MYOF: variants seen among roughly 807,000 people sequenced by gnomAD.
MYOF encodes fer-1-like 3, myoferlin.
In MYOF, 244 loss-of-function variants were observed where a neutral mutation model predicts 284.2. The observed-to-expected ratio is 0.86, with a 90% confidence interval of 0.77 to 0.95. MYOF has a LOEUF of 0.95. Ranked by LOEUF, MYOF falls within the 40% of genes least tolerant of loss-of-function variation. The pLI is 0.00. For missense variants in MYOF, 2,496 were observed against 2,560.6 expected (o/e 0.97, Z 0.54); for synonymous variants, 904 against 919.7 (o/e 0.98, Z 0.31).
At chr10:93,344,225 A>G (rs937259895) in intron 37 of MYOF, among the ~76,000 whole-genome samples, 1 of 152,242 alleles carries the variant, frequency 6.6e-6, no homozygotes, top group African/African-American at 2.4e-5. Context: ...AATTGTGTCA[A>G]TACATGTCTT....
intron 1 of MYOF, among the ~76,000 whole-genome samples, chr10:93,465,542 T>TC (rs1554872990): frequency 7.4e-6 from 1 of 135,380 alleles, no homozygotes. Flanking sequence ...TCTTTTCTTT[T>TC]TTTTTTTTTT....
In MYOF at chr10:93,351,881, G is replaced by T. The variant is rs767557021; in HGVS notation, c.3482-35C>A. On this transcript the variant is annotated intron_variant, in intron 32 of 53. Coordinates refer to ENST00000359263, the MANE Select transcript of MYOF (RefSeq NM_013451.4). The stretch of plus-strand genomic sequence containing the variant: ...AAAAAGAGAATAACAACGGGGCCAC[G>T]GCTAAAATCTAACTCCCCAGAACCA... The T allele has an allele frequency of 4.6e-5, 72 of 1,549,176 alleles. 2 individuals carry two copies. In the South Asian group the frequency reaches 8.6e-4, roughly 19 times the overall value.
At chr10:93,378,995 C>T (rs375166301) in intron 21 of MYOF, among the ~76,000 whole-genome samples, 27 of 152,052 alleles carry the variant, frequency 1.8e-4, no homozygotes, top group African/African-American at 6.5e-4. Flanking sequence ...GGATTACTGG[C>T]GTGAGCCACT....
chr10:93,349,302 A>G (rs1394154666), intron 36 of MYOF, among the ~76,000 whole-genome samples: 1 of 152,206 alleles, frequency 6.6e-6, no homozygotes, highest in Non-Finnish European at 1.5e-5. Flanking sequence ...GGTAGCCTCA[A>G]TGGACCAAAG....
chr10:93,399,045 T>C (rs919274901), intron 13 of MYOF, among the ~76,000 whole-genome samples: 1 of 148,132 alleles, frequency 6.8e-6, no homozygotes, highest in African/African-American at 2.4e-5. Flanking sequence ...GGGGTCTCTG[T>C]CCTACAACAT....
chr10:93,356,897 T>G, intron 29 of MYOF, 49 bp from the exon 30 acceptor site: 23 of 1,532,306 alleles, frequency 1.5e-5, no homozygotes, highest in Non-Finnish European at 2.0e-5. Context: ...ATGATGATAT[T>G]CCTTATTTTG....
At chr10:93,423,732 C>T (rs1848455801) in intron 5 of MYOF, among the ~76,000 whole-genome samples, 1 of 151,182 alleles carries the variant, frequency 6.6e-6, no homozygotes, top group Admixed American at 6.6e-5. Flanking sequence ...ACTCGGGAGG[C>T]TGAGGCAGAA....
intron 49 of MYOF, among the ~76,000 whole-genome samples, chr10:93,318,826 T>A (rs1842732210): frequency 6.6e-6 from 1 of 152,136 alleles, no homozygotes; most frequent in Non-Finnish European, 1.5e-5. Context: ...GTAGGCCTAA[T>A]GCGACACAGG....
intron 13 of MYOF, among the ~76,000 whole-genome samples, chr10:93,397,802 A>ACCCTGCCCGCCAGCCT (rs1043184819): frequency 1.3e-5 from 2 of 151,848 alleles, no homozygotes; most frequent in African/African-American, 4.8e-5. Context: ...AGATCTTTTG[A>ACCCTGCCCGCCAGCCT]CCCTGCCCGC....
intron 27 of MYOF, among the ~76,000 whole-genome samples, chr10:93,362,017 C>T (rs369666040): frequency 5.9e-5 from 9 of 152,148 alleles, no homozygotes; most frequent in East Asian, 5.8e-4. Flanking sequence ...GGCGTAATCT[C>T]GGCTCACTGC....
At chr10:93,449,742 C>G (rs1184754234) in intron 3 of MYOF, among the ~76,000 whole-genome samples, 1 of 152,116 alleles carries the variant, frequency 6.6e-6, no homozygotes. Context: ...CCTTCCACCT[C>G]AGCCTCCCAA....
intron 3 of MYOF, among the ~76,000 whole-genome samples, chr10:93,448,175 A>G (rs2056488338): frequency 6.6e-6 from 1 of 152,058 alleles, no homozygotes; most frequent in African/African-American, 2.4e-5. Flanking sequence ...TGCACTTGCT[A>G]TTCTCTGCCC....
At position 93,402,956 on chromosome 10, in the gene MYOF, G is replaced by A. The variant is rs1315027697; in HGVS notation, c.844-66C>T. On this transcript the variant is annotated intron_variant, in intron 9 of 53. Coordinates refer to ENST00000359263, the MANE Select transcript of MYOF (RefSeq NM_013451.4). ...AAATCAGTCTAGTCACTTTAAAGAA[G>A]CCATCATTATATTTAAATATCATGT... is the stretch of plus-strand genomic sequence containing the variant. The A allele has an allele frequency of 3.7e-6, 5 of 1,345,546 alleles. No individual in the cohort carries two copies. In the East Asian group the frequency reaches 1.2e-4, roughly 31 times the overall value. The allele number at this position is 1,345,546 out of a possible 1,614,324, so 83.4% of individuals were successfully genotyped here.
At chr10:93,425,296 T>A (rs899375886) in intron 5 of MYOF, among the ~76,000 whole-genome samples, 2 of 152,094 alleles carry the variant, frequency 1.3e-5, no homozygotes, top group Admixed American at 1.3e-4. Flanking sequence ...GGCCCCTCCC[T>A]TCCTGGGACA....
At chr10:93,438,371 A>G (rs1589569752) in intron 3 of MYOF, among the ~76,000 whole-genome samples, 1 of 152,180 alleles carries the variant, frequency 6.6e-6, no homozygotes, top group East Asian at 1.9e-4. Flanking sequence ...TTCTTTCTCA[A>G]CACGCCCATG....
Position 93,389,100 on chromosome 10 carries a change from A to T in MYOF, c.1511T>A (p.Leu504Gln). The T allele has an allele frequency of 6.2e-7, 1 of 1,614,146 alleles. No individual in the cohort carries two copies. The highest frequency in any genetic ancestry group is 8.5e-7 in the Non-Finnish European group (1 of 1,179,994). ...CTCTCTGGGGCTTCCATAAAGATTC[A>T]GGTAACAAGGTCCAAACGTTGGAAC... The part of the protein sequence containing the change: ...GFVPTFGPCY[L>Q]NLYGSPREYT... The change falls in exon 18 of 54, where the codon CTG becomes CAG. Residue 504 changes from leucine to glutamine, a missense_variant. Leu to Gln is a moderately radical substitution (Grantham distance 113). This residue lies in a region of MYOF where 2,436 missense variants were observed against 2,480.7 expected (regional missense o/e 0.98). Transcript: ENST00000359263.
At chr10:93,315,522 G>A (rs1444976103) in intron 50 of MYOF, among the ~76,000 whole-genome samples, 2 of 152,148 alleles carry the variant, frequency 1.3e-5, no homozygotes, top group Non-Finnish European at 2.9e-5. Context: ...CCTGAGGAGA[G>A]CAGGGGTGAG....
intron 29 of MYOF, 24 bp downstream of exon 29, chr10:93,359,809 G>T: frequency 6.2e-7 from 1 of 1,613,578 alleles, no homozygotes; most frequent in Non-Finnish European, 8.5e-7. Flanking sequence ...CCCCAGTCCA[G>T]CTCCCTTCCC....
At chr10:93,473,303 A>C (rs2134394051) in intron 1 of MYOF, among the ~76,000 whole-genome samples, 1 of 152,336 alleles carries the variant, frequency 6.6e-6, no homozygotes, top group African/African-American at 2.4e-5. Flanking sequence ...TGGTCTACCC[A>C]CTTTGTCTTG....
Sources: allele counts gnomAD v4.1 joint callset (sites outside exome capture counted in the v4.1 genomes callset), GRCh38; gene constraint gnomAD v4.1.1; regional missense constraint gnomAD v4.1.1; transcripts MANE v1.5; gene names NCBI Gene and HGNC (gene_info 2026-07-23, HGNC 2026-07-21).